Variants in SLC34A2 observed in about 807,000 individuals in gnomAD.
SLC34A2 encodes the protein sodium-dependent phosphate transport protein 2B.
Under a neutral mutation model 50.8 loss-of-function variants are expected in SLC34A2, and 41 were observed. The observed-to-expected ratio is 0.81, with a 90% CI of 0.63 to 1.05. The LOEUF is 1.05. SLC34A2 is among the 50% of genes least tolerant of loss of function. The pLI, the probability that SLC34A2 is intolerant of heterozygous loss-of-function variation, is 0.00. For missense variants in SLC34A2, 879 were observed against 876.7 expected (o/e 1.00, Z -0.03); for synonymous variants, 401 against 364.2 (o/e 1.10, Z -1.15).
At chr4:25,664,418 G>A (rs923405073) in intron 4 of SLC34A2, 88 bp downstream of exon 4, 36 of 1,436,946 alleles carry the variant, frequency 2.5e-5, no homozygotes, top group Admixed American at 2.0e-4. Context: ...GCCCTCTCCA[G>A]CTGCAGCCTC....
chr4:25,671,276 C>T (rs940906594), intron 8 of SLC34A2, among the ~76,000 whole-genome samples: 1 of 152,122 alleles, frequency 6.6e-6, no homozygotes, highest in African/African-American at 2.4e-5. Flanking sequence ...AGGAACCTAC[C>T]CAGGCTGCTT....
chr4:25,669,692 C>T lies in SLC34A2; in HGVS notation c.681C>T (p.Ser227=), dbSNP rs560585722. 34 of 1,614,102 alleles carry T rather than the reference C, an allele frequency of 2.1e-5. No homozygotes were observed. Among genetic ancestry groups the T allele is most frequent in the Admixed American group, 6.7e-5 (4 of 60,014 alleles). Residue 227 remains serine, a synonymous_variant, in exon 7 of 13, where the codon TCC becomes TCT. Coordinates refer to ENST00000382051, the MANE Select transcript of SLC34A2 (RefSeq NM_006424.3). The part of the protein sequence containing the change: ...ATVHDFFNWL[S]VLVLLPVEVA... ...TCCATGACTTCTTCAACTGGCTGTC[C>T]GTGTTGGTGCTCTTGCCCGTGGAGG...
chr4:25,678,726 A>G lies in SLC34A2; in HGVS notation c.*1977A>G. On this transcript the variant is annotated 3_prime_UTR_variant, in exon 13 of 13. Coordinates refer to ENST00000382051, the MANE Select transcript of SLC34A2 (RefSeq NM_006424.3). ...TTTTTTACTGGTTATGGGAAGGGAG[A>G]AATAAAATCATCAAACCCAAAAGGA... is the stretch of plus-strand genomic sequence containing the variant. 2.0e-6 allele frequency: 1 copy of G among 492,892 alleles called. No individual in the cohort carries two copies. The highest frequency in any genetic ancestry group is 3.7e-6 in the Non-Finnish European group (1 of 273,714). 30.5% of individuals were successfully genotyped at this position (492,892 alleles called of 1,614,324 possible).
intron 1 of SLC34A2, among the ~76,000 whole-genome samples, chr4:25,658,554 G>A (rs185890724): frequency 6.6e-6 from 1 of 152,336 alleles, no homozygotes; most frequent in Non-Finnish European, 1.5e-5. Context: ...AGTCAAGAAA[G>A]TTCCTCTCCT....
chr4:25,665,835 A>T (rs1171815601), intron 4 of SLC34A2, among the ~76,000 whole-genome samples: 2 of 152,078 alleles, frequency 1.3e-5, no homozygotes, highest in South Asian at 4.1e-4. Context: ...GAGTGGGAGG[A>T]TGCAGGGTGA....
chr4:25,664,895 T>C, intron 4 of SLC34A2: 1 of 233,244 alleles, frequency 4.3e-6, no homozygotes, highest in Non-Finnish European at 8.4e-6. Flanking sequence ...CAGCACTCCG[T>C]CTACTGGGTG....
chr4:25,662,974 CCT>C (rs1466050913), intron 3 of SLC34A2, 132 bp downstream of exon 3: 4 of 1,081,348 alleles, frequency 3.7e-6, no homozygotes, highest in East Asian at 5.2e-5. Flanking sequence ...GGGATGTCAC[CCT>C]CTCATCTTTT....
chr4:25,666,100 T>C, intron 4 of SLC34A2, 28 bp from the exon 5 acceptor site: 1 of 1,611,108 alleles, frequency 6.2e-7, no homozygotes, highest in South Asian at 1.1e-5. Flanking sequence ...GTTGTGATTG[T>C]TTTTGTTTGT....
chr4:25,671,535 C>T lies in SLC34A2; in HGVS notation c.928-66C>T. 1.9e-6 allele frequency: 3 copies of T among 1,611,366 alleles called. No individual in the cohort carries two copies. The South Asian group carries it at 3.3e-5, about 18-fold the overall frequency. On this transcript the variant is annotated intron_variant, in intron 8 of 12. Coordinates refer to ENST00000382051, the MANE Select transcript of SLC34A2 (RefSeq NM_006424.3). ...TGTCTGCGCCTGTTCATTCCCACCCCCGCCATTGCCTCCCATTCCCCACTA... is the reference window on the plus strand; with the variant it reads ...TGTCTGCGCCTGTTCATTCCCACCCTCGCCATTGCCTCCCATTCCCCACTA...
intron 12 of SLC34A2, among the ~76,000 whole-genome samples, chr4:25,675,765 GAA>G (rs1321190056): frequency 6.6e-6 from 1 of 152,206 alleles, no homozygotes; most frequent in Non-Finnish European, 1.5e-5. Flanking sequence ...GGCACCTTGG[GAA>G]AGTGACCAAG....
intron 12 of SLC34A2, among the ~76,000 whole-genome samples, chr4:25,675,299 G>A (rs1287440945): frequency 6.6e-6 from 1 of 152,200 alleles, no homozygotes; most frequent in Non-Finnish European, 1.5e-5. Flanking sequence ...CCAAAGTGCT[G>A]GGATTACAGG....
intron 8 of SLC34A2, among the ~76,000 whole-genome samples, chr4:25,671,123 G>A (rs557772146): frequency 2.0e-5 from 3 of 152,274 alleles, no homozygotes; most frequent in South Asian, 2.1e-4. Context: ...TCTGCCTGCC[G>A]CTCTGTTCTC....
In SLC34A2 at chr4:25,676,568, T is replaced by G. The variant is rs1343993902; in HGVS notation, c.1892T>G (p.Leu631Trp). Reference protein sequence around the residue: ...CCRVCCRACCLLCDCPKCCRC... With the variant: ...CCRVCCRACCWLCDCPKCCRC... ...CGCGTGTGCTGCCGCGCGTGCTGCT[T>G]GCTGTGTGACTGCCCCAAGTGCTGC... Residue 631 changes from leucine to tryptophan, a missense_variant, in exon 13 of 13, where the codon TTG becomes TGG. By Grantham distance (61) the Leu-to-Trp change is moderately conservative. Transcript: ENST00000382051. 6.2e-7 allele frequency: 1 copy of G among 1,612,994 alleles called. No individual in the cohort carries two copies. Among genetic ancestry groups the G allele is most frequent in the Admixed American group, 1.7e-5 (1 of 60,000 alleles).
At chr4:25,656,765 T>A (rs913497419) in intron 1 of SLC34A2, among the ~76,000 whole-genome samples, 1 of 152,224 alleles carries the variant, frequency 6.6e-6, no homozygotes, top group Non-Finnish European at 1.5e-5. Context: ...GGTCCCTTTT[T>A]CAAACATGTT....
chr4:25,676,222 A>G lies in SLC34A2; in HGVS notation c.1546A>G (p.Lys516Glu). 6.2e-7 allele frequency: 1 copy of G among 1,614,150 alleles called. No homozygotes were observed. Among genetic ancestry groups the G allele is most frequent in the Non-Finnish European group, 8.5e-7 (1 of 1,180,028 alleles). Residue 516 changes from lysine to glutamate, a missense_variant, in exon 13 of 13, where the codon AAG (lysine) becomes GAG (glutamate). By Grantham distance (56) the Lys-to-Glu change is moderately conservative. Coordinates refer to ENST00000382051, the MANE Select transcript of SLC34A2 (RefSeq NM_006424.3). ...CACTCGCCTGCCCATCCGCATGGCC[A>G]AGGGGCTGGGCAACATCTCTGCCAA... ...PFTRLPIRMAKGLGNISAKYR... is the reference protein window; with the variant it reads ...PFTRLPIRMAEGLGNISAKYR...
rs1457416500 is a variant in SLC34A2, at chr4:25,674,558, A to T, written c.1387A>T (p.Ile463Phe). 2 of 1,614,184 alleles carry T rather than the reference A, an allele frequency of 1.2e-6. No individual in the cohort carries two copies. Among genetic ancestry groups the T allele is most frequent in the Non-Finnish European group, 1.7e-6 (2 of 1,180,048 alleles). ...TTATCCACTCACGCTGGGCTCCAAC[A>T]TCGGCACCACCACCACCGCCATCCT... Reference protein sequence around the residue: ...RAYPLTLGSNIGTTTTAILAA... With the variant: ...RAYPLTLGSNFGTTTTAILAA... Residue 463 changes from isoleucine (I) to phenylalanine (F), a missense_variant, in exon 12 of 13, where the codon ATC becomes TTC. By Grantham distance (21) the Ile-to-Phe change is conservative. Transcript: ENST00000382051.
At chr4:25,671,167 C>T (rs372175876) in intron 8 of SLC34A2, among the ~76,000 whole-genome samples, 27 of 152,278 alleles carry the variant, frequency 1.8e-4, no homozygotes, top group African/African-American at 4.6e-4. Flanking sequence ...TAGTCCAGCA[C>T]GCCCTACGGG....
At position 25,668,010 on chromosome 4, in the gene SLC34A2, GC is replaced by G. The variant is rs978427494; in HGVS notation, c.635+21del. 6.7e-7 allele frequency: 1 copy of G among 1,494,240 alleles called. No individual in the cohort carries two copies. Among genetic ancestry groups the G allele is most frequent in the Non-Finnish European group, 9.3e-7 (1 of 1,071,200 alleles). 92.6% of individuals were successfully genotyped at this position (1,494,240 alleles called of 1,614,324 possible). A position where few individuals can be genotyped will look rare whatever the true frequency, so the allele number is the denominator to read the frequency against. ...TCAGAAGGTAAGAGGCTCAAAACCA[GC>G]CTTTGCGACATCAGCTCTATTGTTC... On this transcript the variant is annotated intron_variant, in intron 6 of 12. Transcript: ENST00000382051.
chr4:25,656,023 CAA>C (rs1442207476), intron 1 of SLC34A2, 133 bp downstream of exon 1: 6 of 152,270 alleles, frequency 3.9e-5, no homozygotes, highest in African/African-American at 1.4e-4. Flanking sequence ...GTGAAAAACA[CAA>C]AGCTCTCCAC....
Sources: allele counts gnomAD v4.1 joint callset (sites outside exome capture counted in the v4.1 genomes callset), GRCh38; gene constraint gnomAD v4.1.1; transcripts MANE v1.5; gene names NCBI Gene and HGNC (gene_info 2026-07-23, HGNC 2026-07-21).